CSMD3: variants seen among roughly 807,000 people sequenced by gnomAD.
CSMD3 encodes CUB and Sushi multiple domains 3.
In CSMD3, 177 loss-of-function variants were observed where a neutral mutation model predicts 435.2. That is an observed-to-expected ratio of 0.41 (90% confidence interval 0.36 to 0.46). The LOEUF (loss-of-function observed/expected upper bound fraction) is 0.46, where lower values mean the gene tolerates loss of function less well. CSMD3 is among the 20% of genes least tolerant of loss of function. CSMD3 has a pLI of 0.34. For synonymous variants in CSMD3, 1,656 were observed against 1,520.5 expected (o/e 1.09, Z -2.07); for missense variants, 4,265 against 4,504.6 (o/e 0.95, Z 1.52).
At chr8:112,694,603 G>T (rs1169963603) in intron 13 of CSMD3, among the ~76,000 whole-genome samples, 1 of 151,910 alleles carries the variant, frequency 6.6e-6, no homozygotes. Flanking sequence ...ACATAGACTG[G>T]AAACAATACA....
intron 1 of CSMD3, among the ~76,000 whole-genome samples, chr8:113,335,537 CTTTTTTTTT>C (rs1222360431): frequency 3.4e-5 from 1 of 29,706 alleles, no homozygotes; most frequent in Non-Finnish European, 5.5e-5. Flanking sequence ...CCTCCTCCTT[CTTTTTTTTT>C]TTTTTTTTTT....
chr8:113,061,551 A>C (rs895988295), intron 5 of CSMD3, among the ~76,000 whole-genome samples: 11 of 152,098 alleles, frequency 7.2e-5, no homozygotes, highest in African/African-American at 2.7e-4. Context: ...GATTAGTAAA[A>C]GGTATACATG....
At chr8:113,296,140 C>T (rs1259954711) in intron 2 of CSMD3, among the ~76,000 whole-genome samples, 1 of 151,526 alleles carries the variant, frequency 6.6e-6, no homozygotes, top group African/African-American at 2.4e-5. Flanking sequence ...CACACTGGGG[C>T]CTGTTGTGGG....
rs1003141039 is a variant in CSMD3 at position 113,104,158 on chromosome 8, T to C, written c.710-5195A>G. ...AAATAGCTTAGTGTTGGGGGTGGGGTGCAGGAAATAGGCTTGTTTATCATC... is the reference window on the plus strand; with the variant it reads ...AAATAGCTTAGTGTTGGGGGTGGGGCGCAGGAAATAGGCTTGTTTATCATC... On this transcript the variant is annotated intron_variant, in intron 4 of 70. Transcript: ENST00000297405. Among the ~76,000 whole-genome samples the C allele has an allele frequency of 2.0e-5, 3 of 152,092 alleles. 1 individual carries two copies. In the East Asian group the frequency reaches 5.8e-4, roughly 29 times the overall value.
At chr8:113,281,358 G>A (rs767336568) in intron 2 of CSMD3, among the ~76,000 whole-genome samples, 40 of 151,774 alleles carry the variant, frequency 2.6e-4, no homozygotes, top group African/African-American at 7.0e-4. Context: ...CCAGTGTTAC[G>A]TGCATGTATG....
At chr8:113,154,942 A>G (rs779821709) in intron 4 of CSMD3, among the ~76,000 whole-genome samples, 2 of 152,014 alleles carry the variant, frequency 1.3e-5, no homozygotes, top group Admixed American at 6.6e-5. Context: ...TGATCAGGAC[A>G]TTTTCCTCAG....
chr8:113,101,128 T>G (rs2090317714), intron 4 of CSMD3, among the ~76,000 whole-genome samples: 1 of 152,166 alleles, frequency 6.6e-6, no homozygotes. Context: ...ATTCTTTCAC[T>G]CATAGGCCCT....
At chr8:112,980,918 T>C (rs72682200) in intron 6 of CSMD3, among the ~76,000 whole-genome samples, 2,895 of 151,560 alleles carry the variant, frequency 0.019, 48 homozygotes, top group Non-Finnish European at 0.027. Flanking sequence ...AGAAAAGAGA[T>C]GGATTAACTG....
chr8:112,527,303 T>C (rs1017894357), intron 27 of CSMD3, among the ~76,000 whole-genome samples: 1 of 151,460 alleles, frequency 6.6e-6, no homozygotes, highest in Non-Finnish European at 1.5e-5. Flanking sequence ...AAGTAAACTT[T>C]AACACAAGGA....
chr8:112,302,123 G>C (rs745577437), intron 52 of CSMD3, among the ~76,000 whole-genome samples, 157 bp from the exon 53 acceptor site: 4 of 152,022 alleles, frequency 2.6e-5, no homozygotes, highest in Non-Finnish European at 4.4e-5. Flanking sequence ...TGAAAGTAGG[G>C]AGAAAAGAGA....
intron 22 of CSMD3, among the ~76,000 whole-genome samples, chr8:112,617,031 C>T (rs1335896012): frequency 6.6e-6 from 1 of 152,116 alleles, no homozygotes; most frequent in African/African-American, 2.4e-5. Flanking sequence ...AACATTCTCT[C>T]AAGAATTGTG....
chr8:113,233,006 C>T (rs1276285532), intron 3 of CSMD3, among the ~76,000 whole-genome samples: 1 of 151,768 alleles, frequency 6.6e-6, no homozygotes, highest in African/African-American at 2.4e-5. Flanking sequence ...ACTTTGTAGG[C>T]TGAAAAAGTT....
At chr8:113,009,999 A>T (rs1245273170) in intron 6 of CSMD3, among the ~76,000 whole-genome samples, 1 of 151,790 alleles carries the variant, frequency 6.6e-6, no homozygotes. Flanking sequence ...TGTCTGTTAA[A>T]TGTTTGACAT....
chr8:113,212,582 T>C (rs1485611314), intron 3 of CSMD3, among the ~76,000 whole-genome samples: 2 of 152,108 alleles, frequency 1.3e-5, no homozygotes, highest in Admixed American at 1.3e-4. Context: ...ATTCACGTCC[T>C]TTGTAGGGAC....
At chr8:112,958,519 A>G (rs1248162971) in intron 7 of CSMD3, among the ~76,000 whole-genome samples, 1 of 152,144 alleles carries the variant, frequency 6.6e-6, no homozygotes, top group Non-Finnish European at 1.5e-5. Context: ...GTGGATTATC[A>G]CTGTGGCGTC....
chr8:113,097,819 A>G (rs555763281), intron 5 of CSMD3, among the ~76,000 whole-genome samples: 2 of 152,182 alleles, frequency 1.3e-5, no homozygotes, highest in South Asian at 4.1e-4. Context: ...TGTTCAGATC[A>G]GAAAACTAGG....
At chr8:112,833,247 A>G (rs930992254) in intron 11 of CSMD3, among the ~76,000 whole-genome samples, 2 of 152,064 alleles carry the variant, frequency 1.3e-5, no homozygotes, top group Non-Finnish European at 1.5e-5. Flanking sequence ...TTTGGTGAGA[A>G]CTGACATCTT....
intron 6 of CSMD3, among the ~76,000 whole-genome samples, chr8:112,994,452 C>T (rs1157747150): frequency 6.6e-6 from 1 of 151,516 alleles, no homozygotes; most frequent in Non-Finnish European, 1.5e-5. Flanking sequence ...ATATAAAATG[C>T]CCTTTTGTCA....
intron 7 of CSMD3, among the ~76,000 whole-genome samples, chr8:112,971,584 G>C (rs2084660675): frequency 6.6e-6 from 1 of 152,042 alleles, no homozygotes; most frequent in Non-Finnish European, 1.5e-5. Context: ...TAAAATTTTA[G>C]CTATAATTGT....
Sources: allele counts gnomAD v4.1 joint callset (sites outside exome capture counted in the v4.1 genomes callset), GRCh38; gene constraint gnomAD v4.1.1; transcripts MANE v1.5; gene names NCBI Gene and HGNC (gene_info 2026-07-23, HGNC 2026-07-21).